Variants in CFAP91 observed in about 807,000 individuals in gnomAD.
CFAP91 encodes the protein cilia and flagella associated protein 91.
In CFAP91, 85 loss-of-function variants were observed where a neutral mutation model predicts 95.9. The observed-to-expected ratio is 0.89, with a 90% CI of 0.74 to 1.06. The LOEUF (loss-of-function observed/expected upper bound fraction) is 1.06, where lower values mean the gene tolerates loss of function less well. Among genes scored for constraint, CFAP91 ranks in the 50% least tolerant of loss-of-function variants. The probability of loss-of-function intolerance (pLI) is 0.00; values close to 1 mark genes in which losing one functional copy is unlikely to be tolerated. For missense variants in CFAP91, 962 were observed against 943.4 expected (o/e 1.02, Z -0.26); for synonymous variants, 335 against 327.5 (o/e 1.02, Z -0.25).
At chr3:119,710,201 T>A (rs2053448747) in intron 5 of CFAP91, 1 of 230,316 alleles carries the variant, frequency 4.3e-6, no homozygotes, top group Admixed American at 5.5e-5. Context: ...TTTCTTACTG[T>A]TAGTTGTCCA....
At chr3:119,709,818 A>T in intron 4 of CFAP91, 21 bp from the exon 5 acceptor site, 1 of 1,589,860 alleles carries the variant, frequency 6.3e-7, no homozygotes, top group Non-Finnish European at 8.6e-7. Flanking sequence ...CCACACATTT[A>T]TGTTTTCTTT....
At chr3:119,728,919 A>T (rs929369636) in intron 7 of CFAP91, among the ~76,000 whole-genome samples, 1 of 152,146 alleles carries the variant, frequency 6.6e-6, no homozygotes, top group African/African-American at 2.4e-5. Context: ...GTCGGTTCTT[A>T]TGCCTATTCC....
intron 17 of CFAP91, among the ~76,000 whole-genome samples, chr3:119,758,426 A>G (rs1022326999): frequency 4.6e-5 from 7 of 152,236 alleles, no homozygotes; most frequent in African/African-American, 1.7e-4. Flanking sequence ...AACAAGAAGG[A>G]AGATCTCCAT....
chr3:119,740,507 G>T (rs753872414), intron 12 of CFAP91, 42 bp from the exon 13 acceptor site: 4 of 1,582,392 alleles, frequency 2.5e-6, no homozygotes, highest in Non-Finnish European at 3.4e-6. Context: ...GGCACAAAGG[G>T]ATGGTAACTT....
chr3:119,708,632 A>T lies in CFAP91; in HGVS notation c.401A>T (p.Asp134Val). The T allele has an allele frequency of 6.2e-7, 1 of 1,607,320 alleles. No individual in the cohort carries two copies. Among genetic ancestry groups the T allele is most frequent in the Non-Finnish European group, 8.5e-7 (1 of 1,176,578 alleles). The change falls in exon 4 of 18, where the codon GAT becomes GTT. Residue 134 changes from aspartate to valine, a missense_variant. Asp to Val is a radical substitution (Grantham distance 152). Transcript: ENST00000273390. ...SFQMPKEVYEDPEVTGKNRYK... is the reference protein window; with the variant it reads ...SFQMPKEVYEVPEVTGKNRYK... ...CAGATGCCTAAAGAAGTTTATGAAG[A>T]TCCTGAAGTTACTGGAAAGAATCGC... is the stretch of plus-strand genomic sequence containing the variant.
intron 1 of CFAP91, among the ~76,000 whole-genome samples, chr3:119,705,548 A>C (rs1029984905): frequency 3.9e-5 from 6 of 152,196 alleles, no homozygotes; most frequent in African/African-American, 1.4e-4. Context: ...AATGTTCTTC[A>C]GATATCTAAC....
intron 13 of CFAP91, among the ~76,000 whole-genome samples, chr3:119,741,296 G>A (rs1222201040): frequency 6.6e-6 from 1 of 152,006 alleles, no homozygotes; most frequent in Admixed American, 6.6e-5. Context: ...AATATCCAGT[G>A]ACTATTGTAT....
chr3:119,740,755 A>G, intron 13 of CFAP91, 60 bp downstream of exon 13: 1 of 1,522,064 alleles, frequency 6.6e-7, no homozygotes. Flanking sequence ...TGATTTTATC[A>G]TCACACAGCA....
intron 8 of CFAP91, 96 bp from the exon 9 acceptor site, chr3:119,732,198 C>A: frequency 2.1e-6 from 2 of 935,644 alleles, no homozygotes; most frequent in Non-Finnish European, 3.2e-6. Flanking sequence ...ATTTCAATAG[C>A]TTCTCTGTGA....
chr3:119,747,803 T>G lies in CFAP91; in HGVS notation c.2052-8T>G. On this transcript the variant is annotated splice_polypyrimidine_tract_variant and splice_region_variant and intron_variant, in intron 15 of 17. Coordinates refer to ENST00000273390, the MANE Select transcript of CFAP91 (RefSeq NM_033364.4). ...AAGAAATAATTCAATTTGTTTTATATTTTTTAGCCGAACCTATCTTCAGTC... is the reference window on the plus strand; with the variant it reads ...AAGAAATAATTCAATTTGTTTTATAGTTTTTAGCCGAACCTATCTTCAGTC... 2.5e-6 allele frequency: 4 copies of G among 1,608,142 alleles called. No individual in the cohort carries two copies. In the South Asian group the frequency reaches 4.4e-5, roughly 18 times the overall value.
chr3:119,753,371 A>G (rs556973723), intron 17 of CFAP91, among the ~76,000 whole-genome samples: 2 of 152,300 alleles, frequency 1.3e-5, no homozygotes, highest in African/African-American at 4.8e-5. Context: ...TCCCTGGCAT[A>G]TGATATAGTT....
intron 5 of CFAP91, among the ~76,000 whole-genome samples, chr3:119,713,836 C>G (rs2053521367): frequency 6.6e-6 from 1 of 151,838 alleles, no homozygotes; most frequent in South Asian, 2.1e-4. Flanking sequence ...TTCTTCTTTA[C>G]AATGAATCAT....
intron 7 of CFAP91, among the ~76,000 whole-genome samples, chr3:119,728,348 CAG>C (rs959409549): frequency 3.9e-5 from 6 of 152,144 alleles, no homozygotes; most frequent in Non-Finnish European, 7.4e-5. Context: ...CCTACTGAAT[CAG>C]GGGTTGAGGC....
chr3:119,747,990 A>G, intron 16 of CFAP91, 88 bp downstream of exon 16: 1 of 1,014,588 alleles, frequency 9.9e-7, no homozygotes, highest in Admixed American at 2.4e-5. Context: ...AAACAGAGGG[A>G]TGAGGAAATT....
At chr3:119,763,610 A>G (rs970458853) in intron 17 of CFAP91, among the ~76,000 whole-genome samples, 3 of 150,830 alleles carry the variant, frequency 2.0e-5, no homozygotes, top group Non-Finnish European at 4.4e-5. Flanking sequence ...ATTGAATACT[A>G]TTCAGCCTTA....
chr3:119,730,155 A>G, intron 7 of CFAP91, 65 bp from the exon 8 acceptor site: 1 of 1,500,792 alleles, frequency 6.7e-7, no homozygotes, highest in Non-Finnish European at 9.1e-7. Context: ...TGTCTGTGGC[A>G]GCTGTTCCCT....
intron 7 of CFAP91, among the ~76,000 whole-genome samples, chr3:119,729,679 G>A (rs1343855986): frequency 6.6e-6 from 1 of 152,024 alleles, no homozygotes; most frequent in East Asian, 1.9e-4. Flanking sequence ...AAATATCTAA[G>A]CTGGAGGTAC....
At chr3:119,758,028 G>A (rs1248040927) in intron 17 of CFAP91, among the ~76,000 whole-genome samples, 1 of 152,062 alleles carries the variant, frequency 6.6e-6, no homozygotes, top group Non-Finnish European at 1.5e-5. Context: ...TTTTTTATGG[G>A]TTTTTATATA....
Position 119,751,068 on chromosome 3 carries a change from A to G in CFAP91, c.2275A>G (p.Lys759Glu), listed in dbSNP as rs2054316160. Residue 759 changes from lysine to glutamate, a missense_variant, in exon 17 of 18, where the codon AAA (lysine) becomes GAA (glutamate). Coordinates refer to ENST00000273390, the MANE Select transcript of CFAP91 (RefSeq NM_033364.4). The stretch of plus-strand genomic sequence containing the variant: ...CTCAAATGCTGCCATGTTACTTGAG[A>G]AAGAAACTCAAAATGAGAACAACAG... ...EASNAAMLLEKETQNENNS is the reference protein window; with the variant it reads ...EASNAAMLLEEETQNENNS The G allele has an allele frequency of 6.2e-7, 1 of 1,608,376 alleles. No homozygotes were observed. The highest frequency in any genetic ancestry group is 1.3e-5 in the African/African-American group (1 of 74,444).
Sources: allele counts gnomAD v4.1 joint callset (sites outside exome capture counted in the v4.1 genomes callset), GRCh38; gene constraint gnomAD v4.1.1; transcripts MANE v1.5; gene names NCBI Gene and HGNC (gene_info 2026-07-23, HGNC 2026-07-21).